Variants in BANK1 observed in about 807,000 individuals in gnomAD.
BANK1 encodes B-cell scaffold protein with ankyrin repeats.
A neutral mutation model predicts 94.5 loss-of-function variants in BANK1; 95 were observed. The observed-to-expected ratio is 1.00, with a 90% confidence interval of 0.85 to 1.19. The LOEUF is 1.19. Ranked by LOEUF, BANK1 falls within the 50% of genes most tolerant of loss-of-function variation. BANK1 has a pLI of 0.00. For missense variants in BANK1, 987 were observed against 932.2 expected (o/e 1.06, Z -0.77); for synonymous variants, 334 against 308.4 (o/e 1.08, Z -0.87).
chr4:102,072,413 T>A lies in BANK1; in HGVS notation c.2298+13T>A. ...CTTCAGCAATAAGGTAGGTTGTATTTATTTTGATTTCTATAAAATGCAAAG... is the reference window on the plus strand; with the variant it reads ...CTTCAGCAATAAGGTAGGTTGTATTAATTTTGATTTCTATAAAATGCAAAG... On this transcript the variant is annotated intron_variant, in intron 15 of 16. Coordinates refer to ENST00000322953, the MANE Select transcript of BANK1 (RefSeq NM_017935.5). 1.3e-6 allele frequency: 2 copies of A among 1,552,278 alleles called. No individual in the cohort carries two copies. Among genetic ancestry groups the A allele is most frequent in the African/African-American group, 2.7e-5 (2 of 73,374 alleles).
chr4:101,802,114 G>A (rs926301294), intron 1 of BANK1, among the ~76,000 whole-genome samples: 13 of 152,168 alleles, frequency 8.5e-5, no homozygotes, highest in African/African-American at 3.1e-4. Flanking sequence ...CGGGGATAGA[G>A]CCCTAGCCAG....
chr4:101,791,074 G>A (rs1297665454), intron 1 of BANK1, 124 bp downstream of exon 1: 10 of 794,332 alleles, frequency 1.3e-5, no homozygotes, highest in African/African-American at 9.3e-5. Flanking sequence ...CTGAGACAGG[G>A]CTTCTCCTTT....
chr4:102,040,848 C>A (rs1174992578), intron 10 of BANK1, among the ~76,000 whole-genome samples: 1 of 151,864 alleles, frequency 6.6e-6, no homozygotes. Context: ...TAGAGATCGT[C>A]ACATCTAAGC....
At chr4:101,926,556 C>G (rs1723159019) in intron 7 of BANK1, among the ~76,000 whole-genome samples, 1 of 151,612 alleles carries the variant, frequency 6.6e-6, no homozygotes, top group Admixed American at 6.6e-5. Context: ...GTTCTAAACA[C>G]TGGAAATCCA....
chr4:101,867,286 C>T (rs959630327), intron 4 of BANK1, among the ~76,000 whole-genome samples: 3 of 150,814 alleles, frequency 2.0e-5, no homozygotes, highest in Non-Finnish European at 3.0e-5. Flanking sequence ...AGGAACCCAC[C>T]AATCTAAAAT....
chr4:101,916,806 A>G (rs1011025615), intron 6 of BANK1, among the ~76,000 whole-genome samples: 1 of 152,028 alleles, frequency 6.6e-6, no homozygotes, highest in Non-Finnish European at 1.5e-5. Context: ...GAAAATGAAA[A>G]GTAAATTTGC....
chr4:101,965,100 AT>A (rs1389883847), intron 7 of BANK1, among the ~76,000 whole-genome samples: 1 of 151,642 alleles, frequency 6.6e-6, no homozygotes, highest in Non-Finnish European at 1.5e-5. Context: ...TGAACTCATC[AT>A]TTTTTATGGT....
rs1220409627 is a variant in BANK1, at chr4:102,074,063, T to G, written c.*64T>G. 1 of 205,980 alleles carries G rather than the reference T, an allele frequency of 4.9e-6. No homozygotes were observed. The highest frequency in any genetic ancestry group is 1.3e-4 in the East Asian group (1 of 7,696). 12.8% of individuals were successfully genotyped at this position (205,980 alleles called of 1,614,324 possible). ...TTTTGCTTTCAGGGTGAAGCAAGCT[T>G]GAATTTGGATTGCCTGCTCTCTTTA... On this transcript the variant is annotated 3_prime_UTR_variant, in exon 17 of 17. Transcript: ENST00000322953.
At chr4:101,911,409 T>C (rs547217848) in intron 6 of BANK1, among the ~76,000 whole-genome samples, 2 of 152,328 alleles carry the variant, frequency 1.3e-5, no homozygotes, top group South Asian at 2.1e-4. Context: ...TTCATTATTT[T>C]TGCAATCCTA....
At chr4:101,842,042 A>G (rs937432730) in intron 2 of BANK1, among the ~76,000 whole-genome samples, 15 of 152,344 alleles carry the variant, frequency 9.8e-5, no homozygotes, top group Middle Eastern at 3.4e-3. Flanking sequence ...AAGAAATTTA[A>G]AAAACCTTTC....
chr4:102,057,067 C>A (rs1018084777), intron 11 of BANK1, among the ~76,000 whole-genome samples: 1 of 151,850 alleles, frequency 6.6e-6, no homozygotes, highest in African/African-American at 2.4e-5. Context: ...TATATGCAAC[C>A]CTAAAGTTAA....
intron 6 of BANK1, among the ~76,000 whole-genome samples, chr4:101,907,880 A>T (rs1441689083): frequency 6.6e-6 from 1 of 152,212 alleles, no homozygotes; most frequent in Non-Finnish European, 1.5e-5. Context: ...GGAGAACTAC[A>T]AACCACTGCT....
At chr4:101,974,277 T>C (rs1447481126) in intron 7 of BANK1, among the ~76,000 whole-genome samples, 1 of 152,144 alleles carries the variant, frequency 6.6e-6, no homozygotes, top group African/African-American at 2.4e-5. Context: ...AGCATTTAGC[T>C]ATTAGCCGCT....
chr4:102,056,978 CA>C (rs1057210942), intron 11 of BANK1, among the ~76,000 whole-genome samples: 1 of 152,108 alleles, frequency 6.6e-6, no homozygotes, highest in Non-Finnish European at 1.5e-5. Flanking sequence ...GCACTCCAGC[CA>C]GGGAGATGGA....
intron 1 of BANK1, among the ~76,000 whole-genome samples, chr4:101,803,997 C>CAAAAAAAAAAAAAAAAAAAAAAAAAA (rs55704915): frequency 1.5e-5 from 1 of 68,408 alleles, no homozygotes; most frequent in Non-Finnish European, 2.4e-5. Flanking sequence ...GACTCCGTCT[C>CAAAAAAAAAAAAAAAAAAAAAAAAAA]AAAAAAAAAA....
chr4:102,047,294 A>G (rs1727908107), intron 11 of BANK1, among the ~76,000 whole-genome samples: 1 of 152,192 alleles, frequency 6.6e-6, no homozygotes, highest in Non-Finnish European at 1.5e-5. Flanking sequence ...CGGTGTTTGA[A>G]TGCAACACAT....
At chr4:101,820,940 G>T (rs1009827909) in intron 1 of BANK1, among the ~76,000 whole-genome samples, 2 of 152,084 alleles carry the variant, frequency 1.3e-5, no homozygotes, top group Admixed American at 6.6e-5. Flanking sequence ...ACATTCACGT[G>T]CATGTGTCTT....
At chr4:101,972,822 G>T (rs573730502) in intron 7 of BANK1, 8 of 152,132 alleles carry the variant, frequency 5.3e-5, no homozygotes, top group Non-Finnish European at 1.0e-4. Flanking sequence ...CATAAAGTAG[G>T]ATTGCCAGCA....
At chr4:101,967,710 GCTT>G (rs1270216016) in intron 7 of BANK1, among the ~76,000 whole-genome samples, 3 of 152,064 alleles carry the variant, frequency 2.0e-5, no homozygotes, top group East Asian at 1.9e-4. Context: ...ACTCTTACAT[GCTT>G]CTTCTTTTGG....
Sources: gnomAD v4.1 joint callset for allele counts (sites outside exome capture counted in the v4.1 genomes callset) on GRCh38, gnomAD v4.1.1 for gene constraint, MANE v1.5 for transcripts, NCBI Gene and HGNC (gene_info 2026-07-23, HGNC 2026-07-21) for gene names.